Variants in CDH12 observed in about 807,000 individuals in gnomAD.
CDH12 encodes cadherin 12, also known as cadherin-12.
A neutral mutation model predicts 74.1 loss-of-function variants in CDH12; 41 were observed. The ratio of observed to expected loss-of-function variants is 0.55; its 90% CI spans 0.43 to 0.72. The LOEUF is 0.72. Among genes scored for constraint, CDH12 ranks in the 30% least tolerant of loss-of-function variants. CDH12 has a pLI of 0.00. For synonymous variants in CDH12, 399 were observed against 355.0 expected, an observed-to-expected ratio of 1.12 and a Z score of -1.39; for missense variants, 945 against 977.2, an observed-to-expected ratio of 0.97 and a Z score of 0.44.
intron 1 of CDH12, among the ~76,000 whole-genome samples, chr5:22,729,936 A>C (rs1400083986): frequency 6.6e-6 from 1 of 151,906 alleles, no homozygotes; most frequent in African/African-American, 2.4e-5. Context: ...ATGAACATAT[A>C]CAAAATTATT....
intron 1 of CDH12, among the ~76,000 whole-genome samples, chr5:22,633,356 T>C (rs1324637100): frequency 6.6e-6 from 1 of 152,196 alleles, no homozygotes; most frequent in Non-Finnish European, 1.5e-5. Context: ...TGTTTATATA[T>C]CTTTTCTTCT....
intron 1 of CDH12, among the ~76,000 whole-genome samples, chr5:22,814,809 T>C (rs1301856261): frequency 6.6e-6 from 1 of 152,154 alleles, no homozygotes; most frequent in Non-Finnish European, 1.5e-5. Flanking sequence ...AAACATACCA[T>C]GTACAATGAT....
chr5:22,031,657 C>A (rs1283205477), intron 5 of CDH12, among the ~76,000 whole-genome samples: 1 of 152,020 alleles, frequency 6.6e-6, no homozygotes, highest in Non-Finnish European at 1.5e-5. Flanking sequence ...CACTCAGAGG[C>A]CACTGTAGGG....
intron 5 of CDH12, among the ~76,000 whole-genome samples, chr5:22,036,079 A>G (rs1214664178): frequency 6.6e-6 from 1 of 152,194 alleles, no homozygotes; most frequent in African/African-American, 2.4e-5. Context: ...GCATTTGTGA[A>G]AAAAAGCACC....
intron 1 of CDH12, among the ~76,000 whole-genome samples, chr5:22,698,872 G>A (rs1190688062): frequency 6.6e-6 from 1 of 151,046 alleles, no homozygotes; most frequent in Non-Finnish European, 1.5e-5. Flanking sequence ...GGAAAATGGT[G>A]ATGAGTTTTC....
intron 6 of CDH12, among the ~76,000 whole-genome samples, chr5:21,931,632 C>A (rs999653229): frequency 6.6e-6 from 1 of 152,208 alleles, no homozygotes; most frequent in Non-Finnish European, 1.5e-5. Context: ...ATAGTGAGCA[C>A]AGTCTGACTC....
chr5:22,206,558 C>T (rs1751228680), intron 4 of CDH12, among the ~76,000 whole-genome samples: 3 of 151,322 alleles, frequency 2.0e-5, no homozygotes, highest in Admixed American at 2.0e-4. Context: ...CTTGTGAAAT[C>T]AGCACTCCAG....
At chr5:22,846,645 C>T (rs1737317695) in intron 1 of CDH12, among the ~76,000 whole-genome samples, 1 of 152,076 alleles carries the variant, frequency 6.6e-6, no homozygotes, top group Admixed American at 6.5e-5. Flanking sequence ...AATTTACTTC[C>T]CAAAGATTCC....
rs566505327 is a variant in CDH12, at chr5:22,785,573, G to A, written c.-523+67485C>T. ...CTCACTCTGTCATCCATTCTTGAAT[G>A]CAGTGGTGCAATCACAGCTCATTGC... On this transcript the variant is annotated intron_variant, in intron 1 of 14. Transcript: ENST00000382254. Among the ~76,000 whole-genome samples the A allele has an allele frequency of 1.6e-4, 25 of 152,212 alleles. No homozygotes were observed. The East Asian group carries it at 4.1e-3, about 25-fold the overall frequency.
intron 3 of CDH12, among the ~76,000 whole-genome samples, chr5:22,242,799 C>G (rs1752796770): frequency 6.6e-6 from 1 of 152,168 alleles, no homozygotes; most frequent in Middle Eastern, 3.2e-3. Context: ...CAAGCCACAT[C>G]CAAGCAATAC....
rs1750798767 is a variant in CDH12, at chr5:22,199,437, C to T, written c.-187+13061G>A. ...AGACCAAGGGTAATGTAAACACTATCACACAACAAGCTTTAACTTTGTTAA... is the reference window on the plus strand; with the variant it reads ...AGACCAAGGGTAATGTAAACACTATTACACAACAAGCTTTAACTTTGTTAA... On this transcript the variant is annotated intron_variant, in intron 4 of 14. Transcript: ENST00000382254. 2.0e-5 allele frequency among the ~76,000 whole-genome samples: 3 copies of T among 152,148 alleles called. No homozygotes were observed. The South Asian group carries it at 6.2e-4, about 32-fold the overall frequency.
At chr5:22,831,767 G>C (rs868108000) in intron 1 of CDH12, among the ~76,000 whole-genome samples, 10 of 151,778 alleles carry the variant, frequency 6.6e-5, no homozygotes, top group Admixed American at 2.0e-4. Context: ...GCGCGGTGGC[G>C]AGCGCCTGTA....
chr5:22,583,652 G>T (rs1740220928), intron 1 of CDH12, among the ~76,000 whole-genome samples: 1 of 152,100 alleles, frequency 6.6e-6, no homozygotes, highest in Admixed American at 6.5e-5. Context: ...AGAACAAAAA[G>T]GAACATGAGG....
chr5:21,991,546 T>G (rs1172228560), intron 5 of CDH12, among the ~76,000 whole-genome samples: 67 of 136,618 alleles, frequency 4.9e-4, no homozygotes, highest in African/African-American at 1.7e-3. Flanking sequence ...TATAATTTGT[T>G]AAATATATAA....
chr5:22,379,917 C>T (rs1035784310), intron 3 of CDH12, among the ~76,000 whole-genome samples: 2 of 152,072 alleles, frequency 1.3e-5, no homozygotes, highest in East Asian at 3.9e-4. Context: ...TCATGCCCAG[C>T]CAATTTTTTA....
intron 5 of CDH12, among the ~76,000 whole-genome samples, chr5:21,991,518 T>TTATATATA (rs1367491932): frequency 7.4e-4 from 1 of 1,352 alleles, no homozygotes; most frequent in African/African-American, 2.8e-3. Flanking sequence ...TATATGTTTG[T>TTATATATA]TATATATATA....
intron 3 of CDH12, chr5:22,213,775 G>A (rs1053448524): frequency 6.6e-6 from 1 of 152,150 alleles, no homozygotes; most frequent in Admixed American, 6.5e-5. Flanking sequence ...TAATTTGCAT[G>A]TCTTGAGGGT....
intron 6 of CDH12, among the ~76,000 whole-genome samples, chr5:21,867,283 A>G (rs1326111349): frequency 6.6e-5 from 10 of 152,180 alleles, no homozygotes; most frequent in Non-Finnish European, 1.5e-4. Context: ...TGAACCCAGG[A>G]GGCGGAGGTT....
intron 1 of CDH12, among the ~76,000 whole-genome samples, chr5:22,523,038 G>T (rs1049743303): frequency 2.6e-5 from 4 of 152,134 alleles, no homozygotes; most frequent in Non-Finnish European, 5.9e-5. Flanking sequence ...CTTCTTAAGG[G>T]TTTCCTGCAA....
Sources: gnomAD v4.1 joint callset for allele counts (sites outside exome capture counted in the v4.1 genomes callset) on GRCh38, gnomAD v4.1.1 for gene constraint, MANE v1.5 for transcripts, NCBI Gene and HGNC (gene_info 2026-07-23, HGNC 2026-07-21) for gene names.